AHNAK2: variants seen among roughly 807,000 people sequenced by gnomAD.
AHNAK2 encodes the protein AHNAK nucleoprotein 2.
A neutral mutation model predicts 30.7 loss-of-function variants in AHNAK2; 18 were observed. That is an observed-to-expected ratio of 0.59 (90% CI 0.41 to 0.87). AHNAK2 has a LOEUF of 0.87. AHNAK2 is among the 40% of genes least tolerant of loss of function. AHNAK2 has a pLI of 0.00. For synonymous variants in AHNAK2, 3,590 were observed against 3,073.8 expected, an observed-to-expected ratio of 1.17 and a Z score of -5.56; for missense variants, 8,604 against 7,373.0, an observed-to-expected ratio of 1.17 and a Z score of -6.11.
intron 1 of AHNAK2, among the ~76,000 whole-genome samples, chr14:104,974,084 C>G (rs1365672012): frequency 1.3e-5 from 2 of 152,230 alleles, no homozygotes; most frequent in African/African-American, 4.8e-5. Flanking sequence ...TCCCGGCCAG[C>G]CGATGACTTC....
Position 104,943,827 on chromosome 14 carries a change from T to A in AHNAK2, c.11624A>T (p.His3875Leu), listed in dbSNP as rs778243348. Residue 3875 changes from histidine to leucine, a missense_variant, in exon 7 of 7, where the codon CAC (histidine) becomes CTC (leucine). His to Leu is a moderately conservative substitution (Grantham distance 99). Coordinates refer to ENST00000333244, the MANE Select transcript of AHNAK2 (RefSeq NM_138420.4). ...RQVDMKLLEG[H>L]VPEEAGLKGH... ...TTTGAGGCCGGCTTCCTCGGGCACG[T>A]GGCCCTCCAGGAGTTTCATGTCCAC... 1 of 1,611,850 alleles carries A rather than the reference T, an allele frequency of 6.2e-7. No homozygotes were observed. Among genetic ancestry groups the A allele is most frequent in the Non-Finnish European group, 8.5e-7 (1 of 1,179,092 alleles).
intron 1 of AHNAK2, among the ~76,000 whole-genome samples, chr14:104,963,356 G>T (rs1899203380): frequency 6.6e-6 from 1 of 152,174 alleles, no homozygotes; most frequent in African/African-American, 2.4e-5. Context: ...TATCCATATG[G>T]AAAAACATTA....
rs1898140662 is a variant in AHNAK2, at chr14:104,944,296, C to T, written c.11155G>A (p.Glu3719Lys). Residue 3719 changes from glutamate (E) to lysine (K), a missense_variant, in exon 7 of 7, where the codon GAG becomes AAG. Coordinates refer to ENST00000333244, the MANE Select transcript of AHNAK2 (RefSeq NM_138420.4). ...GQVPEGAGLK[E>K]HLPKVEMPSL... ...GGCATCTCCACCTTGGGCAGGTGCT[C>T]TTTGAGGCCGGCTCCCTCGGGCACC... The T allele has an allele frequency of 6.2e-7, 1 of 1,612,962 alleles. No individual in the cohort carries two copies. Among genetic ancestry groups the T allele is most frequent in the Non-Finnish European group, 8.5e-7 (1 of 1,179,548 alleles).
At position 104,942,958 on chromosome 14, in the gene AHNAK2, C is replaced by A. The variant is rs1304089314; in HGVS notation, c.12493G>T (p.Ala4165Ser). The A allele has an allele frequency of 8.1e-6, 13 of 1,613,320 alleles. No individual in the cohort carries two copies. Among genetic ancestry groups the A allele is most frequent in the Non-Finnish European group, 1.0e-5 (12 of 1,179,656 alleles). Residue 4165 changes from alanine to serine, a missense_variant, in exon 7 of 7, where the codon GCC (alanine) becomes TCC (serine). Ala to Ser is a moderately conservative substitution (Grantham distance 99). Coordinates refer to ENST00000333244, the MANE Select transcript of AHNAK2 (RefSeq NM_138420.4). Reference sequence around the variant, plus strand: ...TGCATGGAGGGGAGGCTCACGTCGGCTTTCGCCTTCAGCTCAGACACATCC... The same window carrying A: ...TGCATGGAGGGGAGGCTCACGTCGGATTTCGCCTTCAGCTCAGACACATCC... The part of the protein sequence containing the change: ...SVDVSELKAK[A>S]DVSLPSMQGD...
chr14:104,956,531 G>T, intron 4 of AHNAK2, 57 bp downstream of exon 4: 2 of 1,573,422 alleles, frequency 1.3e-6, no homozygotes, highest in Non-Finnish European at 1.7e-6. Context: ...GGACTCTCTG[G>T]CTGGATCCCT....
At chr14:104,976,500 A>G (rs1595436364) in intron 1 of AHNAK2, among the ~76,000 whole-genome samples, 2 of 152,250 alleles carry the variant, frequency 1.3e-5, no homozygotes, top group South Asian at 4.1e-4. Flanking sequence ...CTTGTCAGGA[A>G]TGCACGTTCC....
At position 104,937,985 on chromosome 14, in the gene AHNAK2, G is replaced by C; in HGVS notation, c.*78C>G. ...GTGGATGTAATGTGCTGTGGGATGG[G>C]GTGCTCCATATGTGTGTGTAGCCTT... On this transcript the variant is annotated 3_prime_UTR_variant, in exon 7 of 7. Coordinates refer to ENST00000333244, the MANE Select transcript of AHNAK2 (RefSeq NM_138420.4). The C allele has an allele frequency of 6.9e-7, 1 of 1,447,152 alleles. No individual in the cohort carries two copies. Among genetic ancestry groups the C allele is most frequent in the Non-Finnish European group, 9.4e-7 (1 of 1,063,200 alleles). 89.6% of individuals were successfully genotyped at this position (1,447,152 alleles called of 1,614,324 possible). A position where few individuals can be genotyped will look rare whatever the true frequency, so the allele number is the denominator to read the frequency against.
Position 104,951,357 on chromosome 14 carries a change from G to A in AHNAK2, c.4094C>T (p.Pro1365Leu), listed in dbSNP as rs372520733. The change falls in exon 7 of 7, where the codon CCC becomes CTC. Residue 1365 changes from proline to leucine, a missense_variant. Physicochemically the swap from Pro to Leu is moderately conservative, Grantham distance 98. Transcript: ENST00000333244. ...APKVEADMSL[P>L]SMQGDLKTTD... Reference sequence around the variant, plus strand: ...GGTCTTGAGGTCCCCCTGCATGGAGGGGAGGCTCATGTCGGCCTCCACCTT... The same window carrying A: ...GGTCTTGAGGTCCCCCTGCATGGAGAGGAGGCTCATGTCGGCCTCCACCTT... 10 of 1,076,028 alleles carry A rather than the reference G, an allele frequency of 9.3e-6. 3 individuals are homozygous for A. The highest frequency in any genetic ancestry group is 2.1e-5 in the Admixed American group (1 of 48,744). The allele number at this position is 1,076,028 out of a possible 1,614,324, so 66.7% of individuals were successfully genotyped here. A position where few individuals can be genotyped will look rare whatever the true frequency, so the allele number is the denominator to read the frequency against.
At position 104,956,867 on chromosome 14, in the gene AHNAK2, T is replaced by C. The variant is rs141869946; in HGVS notation, c.214-178A>G. On this transcript the variant is annotated intron_variant, in intron 3 of 6. Transcript: ENST00000333244. ...GGCACATCCACAGAGAAAAGGCAAC[T>C]CTCGGCCTTCCTGCTTCCCGACAGG... 2.0e-5 allele frequency among the ~76,000 whole-genome samples: 3 copies of C among 152,138 alleles called. No individual in the cohort carries two copies. In the East Asian group the frequency reaches 5.8e-4, roughly 29 times the overall value.
intron 1 of AHNAK2, among the ~76,000 whole-genome samples, chr14:104,972,204 T>C (rs1240974684): frequency 6.7e-6 from 1 of 149,920 alleles, no homozygotes; most frequent in Non-Finnish European, 1.5e-5. Flanking sequence ...CTTCTGGGCC[T>C]CCCCCCATTG....
chr14:104,968,389 A>C (rs1436601154), intron 1 of AHNAK2, among the ~76,000 whole-genome samples: 2 of 151,980 alleles, frequency 1.3e-5, no homozygotes, highest in Non-Finnish European at 2.9e-5. Context: ...GGACGAGCAG[A>C]TCCTGGCCGG....
rs1439761265 is a variant in AHNAK2, at chr14:104,945,134, C to T, written c.10317G>A (p.Val3439=). ...CTCTCGGGGCCTGGACGTCCACCTC[C>T]ACGCTGGGCAGAGACACCTCCACAT... ...VPDVEVSLPS[V]EVDVQAPRAK... The change falls in exon 7 of 7, where the codon GTG becomes GTA. Residue 3439 remains valine, a synonymous_variant. Coordinates refer to ENST00000333244, the MANE Select transcript of AHNAK2 (RefSeq NM_138420.4). 2 of 1,613,078 alleles carry T rather than the reference C, an allele frequency of 1.2e-6. No individual in the cohort carries two copies. Among genetic ancestry groups the T allele is most frequent in the Non-Finnish European group, 8.5e-7 (1 of 1,179,744 alleles).
At position 104,938,987 on chromosome 14, in the gene AHNAK2, T is replaced by C. The variant is rs1897896474; in HGVS notation, c.16464A>G (p.Val5488=). 2 of 1,612,410 alleles carry C rather than the reference T, an allele frequency of 1.2e-6. No individual in the cohort carries two copies. Among genetic ancestry groups the C allele is most frequent in the Admixed American group, 1.7e-5 (1 of 59,828 alleles). The change falls in exon 7 of 7, where the codon GTA becomes GTG. Residue 5488 remains valine (V), a synonymous_variant. Transcript: ENST00000333244. ...TIHSIVTPEF[V]DLSVPRTFST... The stretch of plus-strand genomic sequence containing the variant: ...AAAAAGTCCTGGGTACTGAGAGATC[T>C]ACAAACTCTGGTGTCACTATGCTGT...
intron 1 of AHNAK2, among the ~76,000 whole-genome samples, chr14:104,965,401 C>CAAAAAAA (rs397853385): frequency 8.2e-5 from 7 of 85,508 alleles, no homozygotes; most frequent in African/African-American, 2.7e-4. Context: ...AACTCTGTCT[C>CAAAAAAA]AAAAAAAAAA....
chr14:104,941,655 T>A lies in AHNAK2; in HGVS notation c.13796A>T (p.Gln4599Leu). 1 of 1,613,600 alleles carries A rather than the reference T, an allele frequency of 6.2e-7. No individual in the cohort carries two copies. Among genetic ancestry groups the A allele is most frequent in the Non-Finnish European group, 8.5e-7 (1 of 1,179,850 alleles). Residue 4599 changes from glutamine to leucine, a missense_variant, in exon 7 of 7, where the codon CAG (glutamine) becomes CTG (leucine). Physicochemically the swap from Gln to Leu is moderately radical, Grantham distance 113. Coordinates refer to ENST00000333244, the MANE Select transcript of AHNAK2 (RefSeq NM_138420.4). ...VSLPSVETDVQAPGSMLDGAR... is the reference protein window; with the variant it reads ...VSLPSVETDVLAPGSMLDGAR... ...ACCATCCAGCATGGATCCTGGGGCC[T>A]GGACATCCGTCTCCACGCTGGGCAG... is the stretch of plus-strand genomic sequence containing the variant.
chr14:104,945,916 G>A lies in AHNAK2; in HGVS notation c.9535C>T (p.Leu3179Phe), dbSNP rs759836677. Residue 3179 changes from leucine (L) to phenylalanine (F), a missense_variant, in exon 7 of 7, where the codon CTC becomes TTC. Physicochemically the swap from Leu to Phe is conservative, Grantham distance 22. Transcript: ENST00000333244. ...TTCAGGTCCCCCTGCATGGAGGGGA[G>A]GCTCAGGTCGGCCTCCACCTTTGGC... ...SAPKVEADLSLPSMQGDLKNT... is the reference protein window; with the variant it reads ...SAPKVEADLSFPSMQGDLKNT... 15 of 1,248,248 alleles carry A rather than the reference G, an allele frequency of 1.2e-5. 1 individual carries two copies. In the Middle Eastern group the frequency reaches 7.5e-4, roughly 62 times the overall value. The allele number at this position is 1,248,248 out of a possible 1,614,324, so 77.3% of individuals were successfully genotyped here. A position where few individuals can be genotyped will look rare whatever the true frequency, so the allele number is the denominator to read the frequency against.
In AHNAK2 at chr14:104,943,303, G is replaced by A. The variant is rs777373121; in HGVS notation, c.12148C>T (p.His4050Tyr). ...CTGGGCATCTGCACCTTGGGCAGGT[G>A]CCCTTTGAGGCTGGCTCCCTCGGGC... is the stretch of plus-strand genomic sequence containing the variant. ...PVPEGASLKGHLPKVQMPSFK... is the reference protein window; with the variant it reads ...PVPEGASLKGYLPKVQMPSFK... Residue 4050 changes from histidine (H) to tyrosine (Y), a missense_variant, in exon 7 of 7, where the codon CAC becomes TAC. By Grantham distance (83) the His-to-Tyr change is moderately conservative. Transcript: ENST00000333244. The A allele has an allele frequency of 5.0e-6, 8 of 1,613,074 alleles. No homozygotes were observed. The highest frequency in any genetic ancestry group is 6.8e-6 in the Non-Finnish European group (8 of 1,179,598).
rs200029719 is a variant in AHNAK2, at chr14:104,950,018, C to T, written c.5433G>A (p.Leu1811=). ...DSVRLEGDLS[L]ADKDVTAKDS... is the part of the protein sequence containing the mutation. ...CTTTGGCAGTCACATCCTTGTCGGC[C>T]AGGGACAGGTCACCCTCCAGCCGCA... Residue 1811 remains leucine, a synonymous_variant, in exon 7 of 7, where the codon CTG becomes CTA. Transcript: ENST00000333244. The T allele has an allele frequency of 8.8e-4, 1,394 of 1,586,556 alleles. 98 individuals carry two copies. The African/African-American group carries it at 0.016, about 18-fold the overall frequency.
In AHNAK2 at chr14:104,942,609, T is replaced by C; in HGVS notation, c.12842A>G (p.Glu4281Gly). 6.2e-7 allele frequency: 1 copy of C among 1,613,224 alleles called. No individual in the cohort carries two copies. The highest frequency in any genetic ancestry group is 8.5e-7 in the Non-Finnish European group (1 of 1,179,630). Residue 4281 changes from glutamate to glycine, a missense_variant, in exon 7 of 7, where the codon GAG (glutamate) becomes GGG (glycine). Transcript: ENST00000333244. ...CTTGTCGGCTAGGGACAGGTCACCC[T>C]CCAGCCGCACACTGTCCAGCTTGGC... ...PGAKLDSVRL[E>G]GDLSLADKDM...
Sources: gnomAD v4.1 joint callset for allele counts (sites outside exome capture counted in the v4.1 genomes callset) on GRCh38, gnomAD v4.1.1 for gene constraint, MANE v1.5 for transcripts, NCBI Gene and HGNC (gene_info 2026-07-23, HGNC 2026-07-21) for gene names.